BMPR1B: variants seen among roughly 807,000 people sequenced by gnomAD.
BMPR1B encodes bone morphogenetic protein receptor type-1B.
In BMPR1B, 12 loss-of-function variants were observed where a neutral mutation model predicts 59.1. That is an observed-to-expected ratio of 0.20 (90% CI 0.13 to 0.33). BMPR1B has a LOEUF of 0.33. Ranked by LOEUF, BMPR1B falls within the 10% of genes least tolerant of loss-of-function variation. The pLI is 1.00. For missense variants in BMPR1B, 550 were observed against 610.9 expected, an observed-to-expected ratio of 0.90 and a Z score of 1.05; for synonymous variants, 237 against 207.3, an observed-to-expected ratio of 1.14 and a Z score of -1.23.
At chr4:94,942,181 A>G (rs1169622260) in intron 2 of BMPR1B, among the ~76,000 whole-genome samples, 1 of 150,978 alleles carries the variant, frequency 6.6e-6, no homozygotes, top group East Asian at 2.0e-4. Context: ...GCAAGAAATA[A>G]TTTAAATGGA....
chr4:94,793,513 A>T (rs1723063347), intron 1 of BMPR1B, among the ~76,000 whole-genome samples: 1 of 150,560 alleles, frequency 6.6e-6, no homozygotes, highest in Non-Finnish European at 1.5e-5. Flanking sequence ...CATGATTTAT[A>T]GTCCTTTGGG....
chr4:94,904,397 G>T (rs2149004074), intron 2 of BMPR1B, among the ~76,000 whole-genome samples: 1 of 152,050 alleles, frequency 6.6e-6, no homozygotes, highest in East Asian at 1.9e-4. Flanking sequence ...TCTAAGAAGT[G>T]GTAAACAATA....
chr4:95,146,686 A>T (rs1307442729), intron 10 of BMPR1B, among the ~76,000 whole-genome samples: 3 of 152,136 alleles, frequency 2.0e-5, no homozygotes, highest in Non-Finnish European at 4.4e-5. Context: ...GGGACCCAGG[A>T]CTTCTTACCT....
At chr4:94,790,405 G>GT (rs1358894829) in intron 1 of BMPR1B, among the ~76,000 whole-genome samples, 1 of 152,196 alleles carries the variant, frequency 6.6e-6, no homozygotes, top group East Asian at 1.9e-4. Context: ...TAAGTACTGA[G>GT]TTTGGGGGAT....
intron 3 of BMPR1B, among the ~76,000 whole-genome samples, chr4:94,996,621 T>G (rs1247084093): frequency 6.6e-6 from 1 of 152,140 alleles, no homozygotes; most frequent in African/African-American, 2.4e-5. Flanking sequence ...GAAGCCAACC[T>G]CCATTTGCCA....
At chr4:94,959,042 G>A (rs1730261534) in intron 2 of BMPR1B, among the ~76,000 whole-genome samples, 1 of 152,086 alleles carries the variant, frequency 6.6e-6, no homozygotes, top group Non-Finnish European at 1.5e-5. Context: ...TGAGAAGGTA[G>A]GTGTCAGTAG....
At chr4:94,891,140 TA>T (rs1359641950) in intron 2 of BMPR1B, among the ~76,000 whole-genome samples, 1 of 152,114 alleles carries the variant, frequency 6.6e-6, no homozygotes, top group Non-Finnish European at 1.5e-5. Context: ...GCATTGTACA[TA>T]GTAAGTGGTT....
intron 2 of BMPR1B, among the ~76,000 whole-genome samples, chr4:94,952,268 G>C (rs1182329525): frequency 6.6e-6 from 1 of 151,962 alleles, no homozygotes; most frequent in African/African-American, 2.4e-5. Flanking sequence ...CTTCAGTTCT[G>C]CTCTGATCTT....
At chr4:95,020,565 A>T (rs1723906049) in intron 3 of BMPR1B, among the ~76,000 whole-genome samples, 1 of 128,300 alleles carries the variant, frequency 7.8e-6, no homozygotes, top group Non-Finnish European at 1.6e-5. Context: ...GTGACAGAAC[A>T]AGACTCCATC....
chr4:94,936,502 G>A (rs988431349), intron 2 of BMPR1B, among the ~76,000 whole-genome samples: 1 of 152,096 alleles, frequency 6.6e-6, no homozygotes, highest in Non-Finnish European at 1.5e-5. Context: ...TGTTGTTGTT[G>A]TTGGGGGTGA....
chr4:95,023,129 G>T (rs1013723002), intron 3 of BMPR1B, among the ~76,000 whole-genome samples: 4 of 152,010 alleles, frequency 2.6e-5, no homozygotes, highest in African/African-American at 9.7e-5. Flanking sequence ...AGCCTATAAG[G>T]CTCAAAATGA....
intron 2 of BMPR1B, among the ~76,000 whole-genome samples, chr4:94,927,645 G>A (rs1169544516): frequency 6.6e-6 from 1 of 152,090 alleles, no homozygotes; most frequent in Non-Finnish European, 1.5e-5. Context: ...GCCTGAAATC[G>A]TTGTGCATGA....
At chr4:94,784,242 A>G (rs568840347) in intron 1 of BMPR1B, among the ~76,000 whole-genome samples, 134 of 152,044 alleles carry the variant, frequency 8.8e-4, no homozygotes, top group Non-Finnish European at 1.6e-3. Context: ...TTTATTTCCT[A>G]TTGTCAATAA....
intron 2 of BMPR1B, among the ~76,000 whole-genome samples, chr4:94,892,959 G>T (rs1727455995): frequency 6.6e-6 from 1 of 152,142 alleles, no homozygotes; most frequent in East Asian, 1.9e-4. Flanking sequence ...CATCTGTAAA[G>T]TGGGGATATC....
chr4:94,911,782 G>T (rs1014079135), intron 2 of BMPR1B, among the ~76,000 whole-genome samples: 2 of 152,050 alleles, frequency 1.3e-5, no homozygotes, highest in African/African-American at 4.8e-5. Flanking sequence ...GTTAGTAATG[G>T]TGGCTCCCCA....
intron 3 of BMPR1B, among the ~76,000 whole-genome samples, chr4:95,098,252 A>G (rs575127212): frequency 6.6e-6 from 1 of 152,140 alleles, no homozygotes; most frequent in African/African-American, 2.4e-5. Flanking sequence ...TTATTTCAGC[A>G]TCATAATTAC....
chr4:95,035,293 T>G (rs1725159503), intron 3 of BMPR1B, among the ~76,000 whole-genome samples: 1 of 152,142 alleles, frequency 6.6e-6, no homozygotes, highest in Non-Finnish European at 1.5e-5. Flanking sequence ...TTAGGTCCCA[T>G]GTATTTATCT....
intron 2 of BMPR1B, among the ~76,000 whole-genome samples, chr4:94,892,481 A>G (rs1050039517): frequency 6.6e-6 from 1 of 152,128 alleles, no homozygotes; most frequent in Non-Finnish European, 1.5e-5. Flanking sequence ...ACTTTTAACA[A>G]GCATTTATTG....
intron 3 of BMPR1B, among the ~76,000 whole-genome samples, chr4:95,038,936 G>A (rs1355484864): frequency 6.6e-6 from 1 of 152,060 alleles, no homozygotes; most frequent in Non-Finnish European, 1.5e-5. Flanking sequence ...GTTTCATTTG[G>A]CATAAACCTT....
Sources: gnomAD v4.1 joint callset for allele counts (sites outside exome capture counted in the v4.1 genomes callset) on GRCh38, gnomAD v4.1.1 for gene constraint, MANE v1.5 for transcripts, NCBI Gene and HGNC (gene_info 2026-07-23, HGNC 2026-07-21) for gene names.